The following ZDHHC2 variants were observed in gnomAD, a reference collection of about 807,000 sequenced individuals.
The protein encoded by ZDHHC2 is zDHHC palmitoyltransferase 2.
In ZDHHC2, 51 loss-of-function variants were observed where a neutral mutation model predicts 55.6. The ratio of observed to expected loss-of-function variants is 0.92; its 90% CI spans 0.73 to 1.16. The LOEUF (loss-of-function observed/expected upper bound fraction) is 1.16. Among genes scored for constraint, ZDHHC2 ranks in the 50% most tolerant of loss-of-function variants. The probability of loss-of-function intolerance (pLI) is 0.00; values close to 1 mark genes in which losing one functional copy is unlikely to be tolerated. For synonymous variants in ZDHHC2, 199 were observed against 152.9 expected, an observed-to-expected ratio of 1.30 and a Z score of -2.22; for missense variants, 491 against 442.4, an observed-to-expected ratio of 1.11 and a Z score of -0.99.
chr8:17,166,492 T>G (rs1023617205), intron 1 of ZDHHC2, among the ~76,000 whole-genome samples: 13 of 152,162 alleles, frequency 8.5e-5, no homozygotes, highest in Non-Finnish European at 1.6e-4. Flanking sequence ...ACACATGAAG[T>G]TGGCATTTGG....
chr8:17,217,359 T>A, intron 12 of ZDHHC2, 113 bp downstream of exon 12: 1 of 780,018 alleles, frequency 1.3e-6, no homozygotes, highest in Non-Finnish European at 2.0e-6. Flanking sequence ...ATATAGAAGA[T>A]CTTTTACCTG....
chr8:17,217,070 T>A, intron 11 of ZDHHC2, 102 bp from the exon 12 acceptor site: 1 of 1,130,890 alleles, frequency 8.8e-7, no homozygotes, highest in Non-Finnish European at 1.3e-6. Context: ...CAAGGCACCT[T>A]TGGAAGTCTA....
intron 1 of ZDHHC2, among the ~76,000 whole-genome samples, chr8:17,174,786 C>T (rs972872832): frequency 6.9e-6 from 1 of 145,538 alleles, no homozygotes; most frequent in Non-Finnish European, 1.5e-5. Context: ...TCTCAGCTCA[C>T]TGCAGCCTCC....
intron 10 of ZDHHC2, 61 bp from the exon 11 acceptor site, chr8:17,215,176 T>C: frequency 6.9e-7 from 1 of 1,457,068 alleles, no homozygotes; most frequent in Non-Finnish European, 9.4e-7. Context: ...TGAGAAACAA[T>C]CAACTTTACT....
chr8:17,183,069 A>G (rs1240721728), intron 1 of ZDHHC2, among the ~76,000 whole-genome samples: 9 of 152,106 alleles, frequency 5.9e-5, no homozygotes, highest in Non-Finnish European at 1.2e-4. Context: ...GCCCCTAACT[A>G]TACCTTTTTC....
chr8:17,182,040 C>A (rs78060649), intron 1 of ZDHHC2, among the ~76,000 whole-genome samples: 3,289 of 152,198 alleles, frequency 0.022, 55 homozygotes, highest in Non-Finnish European at 0.033. Context: ...AATTAAGTAA[C>A]CATGGTTGAA....
chr8:17,208,520 T>C (rs2959617), intron 8 of ZDHHC2, among the ~76,000 whole-genome samples: 147,656 of 151,816 alleles, frequency 0.97, 71,959 homozygotes, highest in East Asian at 1. Flanking sequence ...AGTTTCTAGC[T>C]CAAGGATAGG....
intron 1 of ZDHHC2, among the ~76,000 whole-genome samples, chr8:17,160,289 C>G (rs1378035609): frequency 6.6e-6 from 1 of 152,200 alleles, no homozygotes; most frequent in Non-Finnish European, 1.5e-5. Flanking sequence ...GTTCAGTTCC[C>G]ATTTTTCTTA....
intron 1 of ZDHHC2, among the ~76,000 whole-genome samples, chr8:17,182,987 C>G (rs1805515411): frequency 6.6e-6 from 1 of 152,202 alleles, no homozygotes; most frequent in Admixed American, 6.5e-5. Context: ...GTCTTGAACT[C>G]TTGACCTCAG....
intron 10 of ZDHHC2, among the ~76,000 whole-genome samples, chr8:17,213,563 G>T (rs1052293283): frequency 1.3e-5 from 2 of 151,892 alleles, no homozygotes; most frequent in African/African-American, 2.4e-5. Context: ...TGATTTTTTT[G>T]ATTGTTATAG....
Position 17,156,755 on chromosome 8 carries a change from G to C in ZDHHC2, c.32G>C (p.Arg11Thr), listed in dbSNP as rs1804068509. ...CCCTCGGGCCCGGGCAGCAGCGCCA[G>C]GCGGCGGTGCCGGCGGGTGCTGTAC... The part of the protein sequence containing the change: MAPSGPGSSA[R>T]RRCRRVLYWI... The change falls in exon 1 of 13, where the codon AGG becomes ACG. Residue 11 changes from arginine to threonine, a missense_variant. Arg to Thr is a moderately conservative substitution (Grantham distance 71). Coordinates refer to ENST00000262096, the MANE Select transcript of ZDHHC2 (RefSeq NM_016353.5). The C allele has an allele frequency of 4.0e-6, 6 of 1,501,410 alleles. No homozygotes were observed. Among genetic ancestry groups the C allele is most frequent in the Admixed American group, 2.2e-5 (1 of 46,036 alleles). The allele number at this position is 1,501,410 out of a possible 1,614,324, so 93.0% of individuals were successfully genotyped here.
chr8:17,186,535 CTT>C, intron 3 of ZDHHC2, 110 bp downstream of exon 3: 1 of 612,846 alleles, frequency 1.6e-6, no homozygotes, highest in Non-Finnish European at 2.6e-6. Context: ...AGTTTAGTGA[CTT>C]TTTAGATTAA....
At chr8:17,160,347 G>T (rs1239906469) in intron 1 of ZDHHC2, among the ~76,000 whole-genome samples, 1 of 152,162 alleles carries the variant, frequency 6.6e-6, no homozygotes, top group African/African-American at 2.4e-5. Flanking sequence ...GGACGTTTAT[G>T]ATGATGTTGC....
chr8:17,192,930 G>A (rs1563156273), intron 3 of ZDHHC2, among the ~76,000 whole-genome samples: 2 of 152,166 alleles, frequency 1.3e-5, no homozygotes, highest in Non-Finnish European at 2.9e-5. Flanking sequence ...GTTTACTGTA[G>A]ATGTAAGGAT....
chr8:17,208,065 C>T lies in ZDHHC2; in HGVS notation c.703C>T (p.Leu235=). Residue 235 remains leucine, a synonymous_variant, in exon 8 of 13, where the codon CTA becomes TTA. Coordinates refer to ENST00000262096, the MANE Select transcript of ZDHHC2 (RefSeq NM_016353.5). Reference sequence around the variant, plus strand: ...TTCTCTGTTTGGCTATCATTGTTGGCTAGTCAGCAAAAATAAATCTACATT... The same window carrying T: ...TTCTCTGTTTGGCTATCATTGTTGGTTAGTCAGCAAAAATAAATCTACATT... ...LSSLFGYHCW[L]VSKNKSTLEA... 1 of 1,579,556 alleles carries T rather than the reference C, an allele frequency of 6.3e-7. No homozygotes were observed.
rs376438843 is a variant in ZDHHC2 at position 17,213,694 on chromosome 8, A to G, written c.951-1543A>G. 3.9e-4 allele frequency among the ~76,000 whole-genome samples: 59 copies of G among 152,324 alleles called. 1 individual carries two copies. In the South Asian group the frequency reaches 0.011, roughly 29 times the overall value. ...TGTTTATTAAAGTGACAGGTGCTCA[A>G]TAAACATTGTTCAGTGAATGGATTC... On this transcript the variant is annotated intron_variant, in intron 10 of 12. Transcript: ENST00000262096.
intron 11 of ZDHHC2, 116 bp from the exon 12 acceptor site, chr8:17,217,056 T>C (rs1313442979): frequency 3.2e-5 from 29 of 907,844 alleles, no homozygotes; most frequent in Non-Finnish European, 4.5e-5. Context: ...ACCCTTATTA[T>C]GTACAAGGCA....
intron 3 of ZDHHC2, among the ~76,000 whole-genome samples, chr8:17,193,430 G>C (rs562294514): frequency 6.6e-6 from 1 of 152,382 alleles, no homozygotes; most frequent in South Asian, 2.1e-4. Flanking sequence ...AGCTGGTGGA[G>C]GGGTGACATG....
intron 12 of ZDHHC2, among the ~76,000 whole-genome samples, chr8:17,219,252 T>TTAAAAAAAAAAAAAAAAA: frequency 2.0e-5 from 1 of 49,560 alleles, no homozygotes; most frequent in East Asian, 9.0e-4. Context: ...AGCAAGACTC[T>TTAAAAAAAAAAAAAAAAA]AAAAAAAAAA....
Sources: allele counts gnomAD v4.1 joint callset (sites outside exome capture counted in the v4.1 genomes callset), GRCh38; gene constraint gnomAD v4.1.1; transcripts MANE v1.5; gene names NCBI Gene and HGNC (gene_info 2026-07-23, HGNC 2026-07-21).